GRIA4: variants seen among roughly 807,000 people sequenced by gnomAD.
GRIA4 encodes glutamate receptor 4.
GRIA4 carries 34 observed loss-of-function variants against 104.0 expected under a neutral mutation model. That is an observed-to-expected ratio of 0.33 (90% CI 0.25 to 0.44). GRIA4 has a LOEUF of 0.44. GRIA4 is among the 20% of genes least tolerant of loss of function. GRIA4 has a pLI of 1.00. For synonymous variants in GRIA4, 386 were observed against 381.9 expected (o/e 1.01, Z -0.13); for missense variants, 750 against 1,096.5 (o/e 0.68, Z 4.46).
intron 3 of GRIA4, among the ~76,000 whole-genome samples, chr11:105,657,643 C>A (rs1951882994): frequency 6.6e-6 from 1 of 151,830 alleles, no homozygotes; most frequent in Non-Finnish European, 1.5e-5. Context: ...TCTAAAGTAT[C>A]TTTCCCAATC....
intron 4 of GRIA4, among the ~76,000 whole-genome samples, chr11:105,826,456 GCTT>G (rs1943773957): frequency 6.6e-6 from 1 of 152,020 alleles, no homozygotes. Context: ...GAGGGACAAA[GCTT>G]CCATACAGCA....
chr11:105,787,689 T>G (rs1166326538), intron 4 of GRIA4, among the ~76,000 whole-genome samples: 2 of 151,808 alleles, frequency 1.3e-5, no homozygotes, highest in East Asian at 3.9e-4. Flanking sequence ...GTTGCCAGGC[T>G]GGTACAGAAT....
chr11:105,853,282 T>C (rs1591352588), intron 4 of GRIA4, among the ~76,000 whole-genome samples: 4 of 152,156 alleles, frequency 2.6e-5, no homozygotes, highest in Admixed American at 6.5e-5. Context: ...CACACTTACT[T>C]CAATCCTAAG....
intron 4 of GRIA4, among the ~76,000 whole-genome samples, chr11:105,831,262 C>T (rs1943965942): frequency 6.6e-6 from 1 of 152,100 alleles, no homozygotes; most frequent in South Asian, 2.1e-4. Flanking sequence ...TTTCTTAAAG[C>T]ATGACATGTA....
intron 3 of GRIA4, among the ~76,000 whole-genome samples, chr11:105,658,940 C>T (rs971668243): frequency 5.9e-5 from 9 of 151,958 alleles, no homozygotes; most frequent in African/African-American, 2.2e-4. Context: ...ATCTCTTCTC[C>T]TTCCTAAAAC....
At chr11:105,806,879 A>G (rs886707061) in intron 4 of GRIA4, among the ~76,000 whole-genome samples, 5 of 151,832 alleles carry the variant, frequency 3.3e-5, no homozygotes, top group Admixed American at 6.6e-5. Flanking sequence ...TTAAAAAAAG[A>G]TAACAAAAAT....
At chr11:105,863,014 C>T (rs989052339) in intron 5 of GRIA4, among the ~76,000 whole-genome samples, 6 of 152,064 alleles carry the variant, frequency 3.9e-5, no homozygotes, top group Non-Finnish European at 5.9e-5. Context: ...ATCTACAATA[C>T]GTTAGTTCAG....
At chr11:105,661,993 GTGTGTGTGTGTGTT>G (rs1292672576) in intron 3 of GRIA4, among the ~76,000 whole-genome samples, 2 of 74,260 alleles carry the variant, frequency 2.7e-5, no homozygotes, top group East Asian at 3.9e-4. Context: ...GAAGAAAACT[GTGTGTGTGTGTGTT>G]TGTGTGTGTG....
chr11:105,844,505 G>T (rs1429841330), intron 4 of GRIA4, among the ~76,000 whole-genome samples: 1 of 152,174 alleles, frequency 6.6e-6, no homozygotes, highest in African/African-American at 2.4e-5. Flanking sequence ...TTAATGAACT[G>T]AAGAGCAATT....
At chr11:105,920,029 A>T (rs1947515680) in intron 11 of GRIA4, among the ~76,000 whole-genome samples, 1 of 152,136 alleles carries the variant, frequency 6.6e-6, no homozygotes, top group Non-Finnish European at 1.5e-5. Flanking sequence ...GCCTTCTGAT[A>T]AAAAGGCAGA....
chr11:105,797,018 C>T (rs1343950452), intron 4 of GRIA4, among the ~76,000 whole-genome samples: 1 of 151,778 alleles, frequency 6.6e-6, no homozygotes, highest in Non-Finnish European at 1.5e-5. Context: ...ATGGCTTGAG[C>T]TCATGGGCAA....
intron 3 of GRIA4, among the ~76,000 whole-genome samples, chr11:105,737,552 G>A (rs138870747): frequency 1.1e-4 from 16 of 152,128 alleles, no homozygotes; most frequent in African/African-American, 3.9e-4. Flanking sequence ...ATATGTGTTT[G>A]TCCTTTTTAA....
intron 3 of GRIA4, among the ~76,000 whole-genome samples, chr11:105,653,072 C>T (rs976514680): frequency 5.3e-5 from 8 of 151,984 alleles, no homozygotes; most frequent in Non-Finnish European, 7.4e-5. Flanking sequence ...CCACCACACC[C>T]GACTAATTTT....
At chr11:105,648,618 G>A (rs1234518184) in intron 3 of GRIA4, among the ~76,000 whole-genome samples, 1 of 151,716 alleles carries the variant, frequency 6.6e-6, no homozygotes, top group African/African-American at 2.4e-5. Flanking sequence ...AACTAGGAAG[G>A]GAAGGATGCA....
chr11:105,796,736 T>A (rs1391757926), intron 4 of GRIA4, among the ~76,000 whole-genome samples: 1 of 152,130 alleles, frequency 6.6e-6, no homozygotes, highest in African/African-American at 2.4e-5. Context: ...TCCAGGAAAA[T>A]CTATTTTTCC....
At chr11:105,698,499 A>C (rs1311036238) in intron 3 of GRIA4, among the ~76,000 whole-genome samples, 1 of 152,144 alleles carries the variant, frequency 6.6e-6, no homozygotes, top group Admixed American at 6.6e-5. Context: ...ATTCATTGGC[A>C]CTCGGAGTTG....
At chr11:105,909,828 A>G (rs541233829) in intron 9 of GRIA4, among the ~76,000 whole-genome samples, 153 of 152,286 alleles carry the variant, frequency 1.0e-3, no homozygotes, top group African/African-American at 3.3e-3. Context: ...ATTTTAAATG[A>G]AAAACATACA....
chr11:105,976,943 A>C (rs1279162913), intron 16 of GRIA4, among the ~76,000 whole-genome samples: 2 of 152,060 alleles, frequency 1.3e-5, no homozygotes, highest in African/African-American at 4.8e-5. Flanking sequence ...AAGTTTTATT[A>C]AGTAATACAC....
intron 3 of GRIA4, among the ~76,000 whole-genome samples, chr11:105,734,800 T>C (rs1938830278): frequency 6.6e-6 from 1 of 152,200 alleles, no homozygotes; most frequent in African/African-American, 2.4e-5. Context: ...TGCATCCTTA[T>C]ACTATCCTTT....
Sources: allele counts gnomAD v4.1 joint callset (sites outside exome capture counted in the v4.1 genomes callset), GRCh38; gene constraint gnomAD v4.1.1; transcripts MANE v1.5; gene names NCBI Gene and HGNC (gene_info 2026-07-23, HGNC 2026-07-21).